The following SHC3 variants were observed in gnomAD, a reference collection of about 807,000 sequenced individuals.
SHC3 encodes SHC-transforming protein 3.
In SHC3, 15 loss-of-function variants were observed where a neutral mutation model predicts 60.4. That is an observed-to-expected ratio of 0.25 (90% confidence interval 0.17 to 0.38). The LOEUF (loss-of-function observed/expected upper bound fraction) is 0.38. SHC3 is among the 10% of genes least tolerant of loss of function. SHC3 has a pLI of 1.00. For synonymous variants in SHC3, 294 were observed against 325.9 expected (o/e 0.90, Z 1.05); for missense variants, 677 against 786.1 (o/e 0.86, Z 1.66).
At chr9:89,177,845 T>A (rs1214797155) in intron 1 of SHC3, 142 bp downstream of exon 1, 1 of 1,084,106 alleles carries the variant, frequency 9.2e-7, no homozygotes, top group African/African-American at 1.7e-5. Context: ...AGCGAGCTGA[T>A]TGCTAAGGAG....
intron 2 of SHC3, among the ~76,000 whole-genome samples, chr9:89,079,648 T>C (rs528877340): frequency 1.6e-4 from 24 of 152,370 alleles, no homozygotes; most frequent in Admixed American, 1.3e-3. Context: ...GCTTCTGTGC[T>C]ACTTTTGGGG....
intron 11 of SHC3, among the ~76,000 whole-genome samples, chr9:89,018,905 A>G (rs1209413420): frequency 6.6e-6 from 1 of 151,552 alleles, no homozygotes; most frequent in Non-Finnish European, 1.5e-5. Flanking sequence ...ACAAAAATTC[A>G]AAAATTAGCC....
Position 89,168,238 on chromosome 9 carries a change from G to A in SHC3, c.474+9749C>T, listed in dbSNP as rs1303597252. The stretch of plus-strand genomic sequence containing the variant: ...CCCAGCACTTTGGGAGGCTGAGGCA[G>A]GTGGATCACCTGAGGTCGGGAGTTC... On this transcript the variant is annotated intron_variant, in intron 1 of 11. Transcript: ENST00000375835. Among the ~76,000 whole-genome samples, 6 of 152,210 alleles carry A rather than the reference G, an allele frequency of 3.9e-5. No individual in the cohort carries two copies. The East Asian group carries it at 7.7e-4, about 20-fold the overall frequency.
chr9:89,030,912 AT>A lies in SHC3; in HGVS notation c.1656+7080del, dbSNP rs943849729. Among the ~76,000 whole-genome samples, 4 of 151,230 alleles carry A rather than the reference AT, an allele frequency of 2.6e-5. No homozygotes were observed. The South Asian group carries it at 6.3e-4, about 24-fold the overall frequency. On this transcript the variant is annotated intron_variant, in intron 11 of 11. Transcript: ENST00000375835. ...ATAACTTGTTCCTCTGTCCCCTGTA[AT>A]TTTTTTTCTTTTTTTCTTGAGACAG...
At chr9:89,052,748 C>A (rs1303421647) in intron 6 of SHC3, among the ~76,000 whole-genome samples, 1 of 152,208 alleles carries the variant, frequency 6.6e-6, no homozygotes, top group East Asian at 1.9e-4. Flanking sequence ...TCAGTGTGAC[C>A]ATGCCAATAA....
At chr9:89,054,092 G>T (rs757416269) in intron 6 of SHC3, among the ~76,000 whole-genome samples, 3 of 152,158 alleles carry the variant, frequency 2.0e-5, no homozygotes, top group Non-Finnish European at 4.4e-5. Context: ...CGAAGAATAC[G>T]ATTTACTGAG....
chr9:89,167,002 C>T (rs1826799075), intron 1 of SHC3, among the ~76,000 whole-genome samples: 1 of 152,162 alleles, frequency 6.6e-6, no homozygotes, highest in African/African-American at 2.4e-5. Context: ...CCAGTGGCAG[C>T]AGGGCAGTGG....
chr9:89,046,112 C>T (rs1824771442), intron 8 of SHC3, among the ~76,000 whole-genome samples: 1 of 131,704 alleles, frequency 7.6e-6, no homozygotes, highest in Non-Finnish European at 1.6e-5. Context: ...GTAAATCAAG[C>T]TCTTCCATAT....
At chr9:89,055,318 C>T (rs1338783498) in intron 6 of SHC3, among the ~76,000 whole-genome samples, 4 of 152,252 alleles carry the variant, frequency 2.6e-5, no homozygotes, top group Non-Finnish European at 5.9e-5. Context: ...GGCCATCTGC[C>T]TGCTGCAACA....
rs987044818 is a variant in SHC3, at chr9:89,079,231, A to G, written c.546-1328T>C. ...AACTGTGTTTCTATCAAAGTGACCA[A>G]TCACGTATCATCTAAAGTACTTTCT... is the stretch of plus-strand genomic sequence containing the variant. On this transcript the variant is annotated intron_variant, in intron 2 of 11. Coordinates refer to ENST00000375835, the MANE Select transcript of SHC3 (RefSeq NM_016848.6). 9.2e-5 allele frequency among the ~76,000 whole-genome samples: 14 copies of G among 152,366 alleles called. No individual in the cohort carries two copies. The South Asian group carries it at 1.2e-3, about 14-fold the overall frequency.
intron 2 of SHC3, among the ~76,000 whole-genome samples, chr9:89,107,664 G>A (rs1311834681): frequency 1.3e-5 from 2 of 152,178 alleles, no homozygotes; most frequent in Non-Finnish European, 1.5e-5. Context: ...TTTAGTAAGA[G>A]CCTGTAAGGC....
intron 11 of SHC3, among the ~76,000 whole-genome samples, chr9:89,031,846 AGGCTCT>A (rs1199828517): frequency 6.6e-6 from 1 of 152,218 alleles, no homozygotes; most frequent in Non-Finnish European, 1.5e-5. Flanking sequence ...TTGCTGAGAC[AGGCTCT>A]TGGATCAAAT....
intron 1 of SHC3, among the ~76,000 whole-genome samples, chr9:89,138,738 C>G (rs1239627646): frequency 6.6e-6 from 1 of 152,158 alleles, no homozygotes; most frequent in Non-Finnish European, 1.5e-5. Context: ...TAAGAGAACC[C>G]TTAATCCTAA....
chr9:89,015,801 A>C (rs1826083709), intron 11 of SHC3, among the ~76,000 whole-genome samples: 1 of 152,224 alleles, frequency 6.6e-6, no homozygotes, highest in Admixed American at 6.5e-5. Flanking sequence ...AACCCCAGAC[A>C]ACTGGTTGAG....
intron 5 of SHC3, 41 bp from the exon 6 acceptor site, chr9:89,065,621 G>A (rs776019135): frequency 6.3e-7 from 1 of 1,598,292 alleles, no homozygotes. Flanking sequence ...CTAATCACAA[G>A]TGAGAGACCA....
intron 2 of SHC3, among the ~76,000 whole-genome samples, chr9:89,101,352 A>G (rs2118083341): frequency 6.6e-6 from 1 of 152,234 alleles, no homozygotes; most frequent in East Asian, 1.9e-4. Flanking sequence ...ATATGAAAAA[A>G]AAGATACTTT....
At chr9:89,118,738 T>G (rs1826050994) in intron 1 of SHC3, among the ~76,000 whole-genome samples, 1 of 152,048 alleles carries the variant, frequency 6.6e-6, no homozygotes, top group Non-Finnish European at 1.5e-5. Flanking sequence ...GTCTGAAGAA[T>G]AGAAATATTG....
At chr9:89,113,594 C>A (rs915461976) in intron 1 of SHC3, among the ~76,000 whole-genome samples, 1 of 152,172 alleles carries the variant, frequency 6.6e-6, no homozygotes, top group Admixed American at 6.5e-5. Context: ...CTGAGCCTGT[C>A]TATACACCCA....
At chr9:89,137,749 T>C (rs956883844) in intron 1 of SHC3, among the ~76,000 whole-genome samples, 2 of 152,034 alleles carry the variant, frequency 1.3e-5, no homozygotes, top group Non-Finnish European at 2.9e-5. Flanking sequence ...TTCAAAGAAA[T>C]AATGAGAGTG....
Sources: gnomAD v4.1 joint callset for allele counts (sites outside exome capture counted in the v4.1 genomes callset) on GRCh38, gnomAD v4.1.1 for gene constraint, MANE v1.5 for transcripts, NCBI Gene and HGNC (gene_info 2026-07-23, HGNC 2026-07-21) for gene names.